THAP6: variants seen among roughly 807,000 people sequenced by gnomAD.
THAP6 encodes the protein THAP domain-containing protein 6.
A neutral mutation model predicts 20.0 loss-of-function variants in THAP6; 13 were observed. That is an observed-to-expected ratio of 0.65 (90% CI 0.42 to 1.03). The LOEUF (loss-of-function observed/expected upper bound fraction) is 1.03. THAP6 is among the 50% of genes least tolerant of loss of function. THAP6 has a pLI of 0.00. For synonymous variants in THAP6, 93 were observed against 92.2 expected (o/e 1.01, Z -0.05); for missense variants, 262 against 261.6 (o/e 1.00, Z -0.01).
intron 4 of THAP6, among the ~76,000 whole-genome samples, chr4:75,524,381 T>C (rs904477607): frequency 6.6e-6 from 1 of 152,246 alleles, no homozygotes; most frequent in Admixed American, 6.5e-5. Context: ...ATTATCCATA[T>C]AGGTGCCATT....
chr4:75,521,982 T>C, intron 4 of THAP6, 121 bp downstream of exon 4: 1 of 1,206,840 alleles, frequency 8.3e-7, no homozygotes, highest in Non-Finnish European at 1.2e-6. Flanking sequence ...TATCTACAAA[T>C]AATATTGCTT....
At chr4:75,514,067 T>G, upstream of THAP6, 3 of 1,421,346 alleles carry the variant, frequency 2.1e-6, no homozygotes, top group Admixed American at 4.6e-5. Flanking sequence ...AAGAACCCAG[T>G]TCCAGGTGGA....
At chr4:75,522,496 C>T (rs1726094005) in intron 4 of THAP6, 2 of 152,086 alleles carry the variant, frequency 1.3e-5, no homozygotes, top group African/African-American at 4.8e-5. Flanking sequence ...TTATTGTTGG[C>T]TATCGTCACC....
chr4:75,531,533 G>C (rs544383652), downstream of THAP6, among the ~76,000 whole-genome samples: 1 of 152,298 alleles, frequency 6.6e-6, no homozygotes, highest in East Asian at 1.9e-4. Context: ...TGTGCTCTTG[G>C]GGACCTCAAC....
At chr4:75,523,524 C>T (rs769566632) in intron 4 of THAP6, among the ~76,000 whole-genome samples, 8 of 152,038 alleles carry the variant, frequency 5.3e-5, no homozygotes, top group Non-Finnish European at 1.0e-4. Flanking sequence ...AATCTTTAGG[C>T]CGGGTGTGAT....
At chr4:75,520,281 C>T (rs1725940635) in intron 3 of THAP6, among the ~76,000 whole-genome samples, 1 of 151,948 alleles carries the variant, frequency 6.6e-6, no homozygotes, top group Admixed American at 6.6e-5. Context: ...TTGTAGGTTG[C>T]CGGGGCACAT....
chr4:75,543,197 T>C (rs1727052762), intron 3 of THAP6: 1 of 152,258 alleles, frequency 6.6e-6, no homozygotes, highest in Admixed American at 6.5e-5. Flanking sequence ...ACATCTCTAG[T>C]CTATAATCAA....
rs144164484 is a variant in THAP6 at position 75,541,302 on chromosome 4, T to G, written c.166-1107T>G. The stretch of plus-strand genomic sequence containing the variant: ...CATGGAATGAAACAATAAGCACCAA[T>G]TCAAAAAGACATCAATCCATATTAT... On this transcript the variant is annotated intron_variant, in intron 2 of 4. Transcript: ENST00000502620. 4.1e-3 allele frequency among the ~76,000 whole-genome samples: 619 copies of G among 152,098 alleles called. 6 individuals are homozygous for G. The highest frequency in any genetic ancestry group is 0.014 in the African/African-American group (594 of 41,478).
In THAP6 at chr4:75,529,499, G is replaced by C. The variant is rs1215555208; in HGVS notation, c.*2285G>C. ...ACCCAGAGCTGCCCATTTTCTCTTTGTTCTAATAGGGAAGCAATTACTGAT... is the reference window on the plus strand; with the variant it reads ...ACCCAGAGCTGCCCATTTTCTCTTTCTTCTAATAGGGAAGCAATTACTGAT... On this transcript the variant is annotated 3_prime_UTR_variant, in exon 5 of 5. Coordinates refer to ENST00000311638, the MANE Select transcript of THAP6 (RefSeq NM_144721.6). 8.1e-6 allele frequency: 8 copies of C among 985,274 alleles called. No individual in the cohort carries two copies. The highest frequency in any genetic ancestry group is 8.4e-6 in the Non-Finnish European group (7 of 829,936). The allele number at this position is 985,274 out of a possible 1,614,324, so 61.0% of individuals were successfully genotyped here.
rs1578272866 is a variant in THAP6, at chr4:75,527,224, A to G, written c.*10A>G. The stretch of plus-strand genomic sequence containing the variant: ...GGACTATATTTCATGAAATAATTTC[A>G]TGTTACGTTCCACCTAAAATTGTCA... On this transcript the variant is annotated 3_prime_UTR_variant, in exon 5 of 5. Coordinates refer to ENST00000311638, the MANE Select transcript of THAP6 (RefSeq NM_144721.6). 1.3e-6 allele frequency: 2 copies of G among 1,594,560 alleles called. No individual in the cohort carries two copies. The highest frequency in any genetic ancestry group is 1.3e-5 in the African/African-American group (1 of 74,308).
At chr4:75,539,716 T>C (rs548685574) in intron 2 of THAP6, 1,433 of 1,291,590 alleles carry the variant, frequency 1.1e-3, no homozygotes, top group Non-Finnish European at 1.4e-3. Context: ...CTTGCTGAAC[T>C]TCTCTGAGCA....
chr4:75,520,050 G>A (rs933268037), intron 3 of THAP6, among the ~76,000 whole-genome samples: 1 of 151,892 alleles, frequency 6.6e-6, no homozygotes, highest in Non-Finnish European at 1.5e-5. Context: ...ATCTCATTGT[G>A]GTTTTGATTT....
intron 2 of THAP6, among the ~76,000 whole-genome samples, chr4:75,540,573 T>C (rs1726975688): frequency 6.6e-6 from 1 of 152,200 alleles, no homozygotes; most frequent in Non-Finnish European, 1.5e-5. Context: ...TAATATCGCA[T>C]CTGAATTTGC....
Position 75,529,566 on chromosome 4 carries a change from A to G in THAP6, c.*2352A>G. On this transcript the variant is annotated 3_prime_UTR_variant, in exon 5 of 5. Transcript: ENST00000311638. ...AAATAGGGTCCTCCCTGCTGCTCCAAACAAATGCCTAAACACAGTATGTAT... is the reference window on the plus strand; with the variant it reads ...AAATAGGGTCCTCCCTGCTGCTCCAGACAAATGCCTAAACACAGTATGTAT... The G allele has an allele frequency of 2.0e-6, 2 of 985,460 alleles. No individual in the cohort carries two copies. Among genetic ancestry groups the G allele is most frequent in the Non-Finnish European group, 2.4e-6 (2 of 829,944 alleles). 61.0% of individuals were successfully genotyped at this position (985,460 alleles called of 1,614,324 possible).
chr4:75,518,804 T>G (rs1725828120), intron 3 of THAP6, among the ~76,000 whole-genome samples: 1 of 152,252 alleles, frequency 6.6e-6, no homozygotes, highest in Non-Finnish European at 1.5e-5. Flanking sequence ...AGAATTAGAT[T>G]CAGTAAATTG....
Position 75,528,525 on chromosome 4 carries a change from G to A in THAP6, c.*1311G>A. On this transcript the variant is annotated 3_prime_UTR_variant, in exon 5 of 5. Transcript: ENST00000311638. ...ATTGAATTGCATTTTGTGCTCAGTT[G>A]TTTATTGTAATTTTATTTTTGTTAC... The A allele has an allele frequency of 2.0e-6, 2 of 984,260 alleles. No homozygotes were observed. Among genetic ancestry groups the A allele is most frequent in the Non-Finnish European group, 2.4e-6 (2 of 828,942 alleles). 61.0% of individuals were successfully genotyped at this position (984,260 alleles called of 1,614,324 possible). A position where few individuals can be genotyped will look rare whatever the true frequency, so the allele number is the denominator to read the frequency against.
At chr4:75,524,050 C>T (rs1726209348) in intron 4 of THAP6, among the ~76,000 whole-genome samples, 2 of 152,084 alleles carry the variant, frequency 1.3e-5, no homozygotes, top group South Asian at 2.1e-4. Context: ...GTTCTTGGCA[C>T]CTTTGTCAAA....
chr4:75,514,155 C>G, upstream of THAP6: 1 of 1,585,548 alleles, frequency 6.3e-7, no homozygotes. Context: ...CCAGCCCAAC[C>G]TGACGGAAGC....
chr4:75,538,892 C>T (rs769095218), intron 2 of THAP6, among the ~76,000 whole-genome samples: 8 of 152,262 alleles, frequency 5.3e-5, no homozygotes, highest in South Asian at 2.1e-4. Context: ...AGCAGAAGAC[C>T]TACAATTTGT....
Sources: allele counts gnomAD v4.1 joint callset (sites outside exome capture counted in the v4.1 genomes callset), GRCh38; gene constraint gnomAD v4.1.1; transcripts MANE v1.5; gene names NCBI Gene and HGNC (gene_info 2026-07-23, HGNC 2026-07-21).